The following RPH3A variants were observed in gnomAD, a reference collection of about 807,000 sequenced individuals.
RPH3A encodes rabphilin-3A.
Under a neutral mutation model 102.2 loss-of-function variants are expected in RPH3A, and 48 were observed. The ratio of observed to expected loss-of-function variants is 0.47; its 90% confidence interval spans 0.37 to 0.60. The LOEUF is 0.60. Among genes scored for constraint, RPH3A ranks in the 20% least tolerant of loss-of-function variants. The pLI, the probability that RPH3A is intolerant of heterozygous loss-of-function variation, is 0.00. For synonymous variants in RPH3A, 310 were observed against 324.3 expected (o/e 0.96, Z 0.47); for missense variants, 781 against 910.1 (o/e 0.86, Z 1.83).
intron 5 of RPH3A, among the ~76,000 whole-genome samples, chr12:112,854,969 T>C (rs1455409810): frequency 6.6e-6 from 1 of 152,246 alleles, no homozygotes; most frequent in Non-Finnish European, 1.5e-5. Context: ...GTTTCTTCAT[T>C]CAGTTGAACA....
At chr12:112,645,816 C>T (rs1047187413) in intron 1 of RPH3A, among the ~76,000 whole-genome samples, 2 of 152,052 alleles carry the variant, frequency 1.3e-5, no homozygotes, top group African/African-American at 2.4e-5. Flanking sequence ...ATGTGAGTGG[C>T]GTTTTGAATG....
At chr12:112,612,283 C>T (rs1317848452) in intron 1 of RPH3A, among the ~76,000 whole-genome samples, 4 of 152,170 alleles carry the variant, frequency 2.6e-5, no homozygotes, top group East Asian at 3.8e-4. Context: ...TTCCACATCA[C>T]GACTCTGGCT....
Position 112,694,671 on chromosome 12 carries a change from CACACACACACACAG to C in RPH3A, c.-139-97470_-139-97457del, listed in dbSNP as rs1363574624. Among the ~76,000 whole-genome samples the C allele has an allele frequency of 6.5e-3, 967 of 148,104 alleles. 9 individuals carry two copies. The highest frequency in any genetic ancestry group is 0.024 in the African/African-American group (932 of 38,912). ...ACACGCACACACACACACACACACA[CACACACACACACAG>C]AGAGAGAGAGAGAGAGATTCTGTTT... On this transcript the variant is annotated intron_variant, in intron 1 of 21. Transcript: ENST00000543106.
At chr12:112,586,132 G>T (rs1201892418) in intron 1 of RPH3A, among the ~76,000 whole-genome samples, 2 of 152,192 alleles carry the variant, frequency 1.3e-5, no homozygotes, top group Non-Finnish European at 2.9e-5. Context: ...AGGTGATGTA[G>T]CAGGTGAGGA....
chr12:112,726,295 A>G (rs2040590256), intron 1 of RPH3A, among the ~76,000 whole-genome samples: 1 of 151,562 alleles, frequency 6.6e-6, no homozygotes, highest in African/African-American at 2.4e-5. Flanking sequence ...TTGTGTTTTT[A>G]GTAGAGACAG....
chr12:112,831,626 C>T, intron 3 of RPH3A: 3 of 243,840 alleles, frequency 1.2e-5, no homozygotes, highest in Admixed American at 5.3e-5. Context: ...AATCTTGGTG[C>T]TTCTTGGGGC....
intron 1 of RPH3A, among the ~76,000 whole-genome samples, chr12:112,784,988 A>G (rs1051375456): frequency 3.3e-5 from 5 of 152,262 alleles, no homozygotes; most frequent in South Asian, 4.1e-4. Context: ...TTTGGGAGGC[A>G]GAGGCGGGTG....
intron 10 of RPH3A, 23 bp downstream of exon 10, chr12:112,870,062 G>A (rs2042682387): frequency 6.2e-7 from 1 of 1,601,748 alleles, no homozygotes; most frequent in African/African-American, 1.3e-5. Context: ...GGCAAATCCA[G>A]AGACAGTTCT....
At chr12:112,768,413 C>G (rs999023154) in intron 1 of RPH3A, among the ~76,000 whole-genome samples, 5 of 152,208 alleles carry the variant, frequency 3.3e-5, no homozygotes, top group Non-Finnish European at 5.9e-5. Flanking sequence ...GGGATTCTCC[C>G]CTTGTCCTCT....
At chr12:112,763,935 G>C (rs11835857) in intron 1 of RPH3A, among the ~76,000 whole-genome samples, 12,148 of 152,228 alleles carry the variant, frequency 0.08, 1,277 homozygotes, top group African/African-American at 0.24. Context: ...GTCCACTGCT[G>C]TCCGTCCCCT....
chr12:112,712,904 C>CTCTTCTTCTTCTTCTTCT (rs1387688395), intron 1 of RPH3A, among the ~76,000 whole-genome samples: 5 of 92,542 alleles, frequency 5.4e-5, no homozygotes, highest in African/African-American at 2.8e-4. Context: ...CTTCTTCTTC[C>CTCTTCTTCTTCTTCTTCT]TCTTCTTCTT....
chr12:112,715,891 A>G (rs1219479341), intron 1 of RPH3A, among the ~76,000 whole-genome samples: 1 of 152,222 alleles, frequency 6.6e-6, no homozygotes. Context: ...TTTCTTAATT[A>G]TATGCTAAAC....
intron 5 of RPH3A, among the ~76,000 whole-genome samples, chr12:112,860,819 T>C (rs1469800063): frequency 6.6e-6 from 1 of 152,186 alleles, no homozygotes; most frequent in Non-Finnish European, 1.5e-5. Flanking sequence ...ATTTTCTGAC[T>C]AAGGCAGTTG....
intron 3 of RPH3A, among the ~76,000 whole-genome samples, chr12:112,829,562 A>C (rs1333177534): frequency 6.6e-6 from 1 of 151,946 alleles, no homozygotes; most frequent in Non-Finnish European, 1.5e-5. Context: ...GTAAGCCACC[A>C]CCCCCAGCCT....
At chr12:112,870,531 G>A (rs2042691158) in intron 10 of RPH3A, among the ~76,000 whole-genome samples, 1 of 152,092 alleles carries the variant, frequency 6.6e-6, no homozygotes, top group Non-Finnish European at 1.5e-5. Flanking sequence ...TTTGGTAAGA[G>A]TGCCCATTGG....
At position 112,673,996 on chromosome 12, in the gene RPH3A, C is replaced by T. The variant is rs567537404; in HGVS notation, c.-140+98677C>T. ...CTGGTCTTAAACTCCTGGTTTCAAG[C>T]GATCCTCCCACCTCAGCCTTCCAAA... is the stretch of plus-strand genomic sequence containing the variant. On this transcript the variant is annotated intron_variant, in intron 1 of 21. Coordinates refer to the RPH3A transcript ENST00000543106. 6.6e-5 allele frequency among the ~76,000 whole-genome samples: 10 copies of T among 152,270 alleles called. No individual in the cohort carries two copies. In the South Asian group the frequency reaches 1.5e-3, roughly 22 times the overall value.
At chr12:112,615,045 T>C (rs969240678) in intron 1 of RPH3A, among the ~76,000 whole-genome samples, 1 of 152,130 alleles carries the variant, frequency 6.6e-6, no homozygotes, top group African/African-American at 2.4e-5. Context: ...CTCATCCACA[T>C]CCTCTATGTG....
intron 1 of RPH3A, among the ~76,000 whole-genome samples, chr12:112,753,563 C>T (rs894237570): frequency 6.6e-6 from 1 of 152,108 alleles, no homozygotes; most frequent in African/African-American, 2.4e-5. Context: ...AAATTTCTCT[C>T]TGGTGAAAAA....
chr12:112,823,713 G>A (rs2136143326), intron 2 of RPH3A, among the ~76,000 whole-genome samples: 1 of 152,194 alleles, frequency 6.6e-6, no homozygotes, highest in East Asian at 1.9e-4. Context: ...GTGCTCCCTG[G>A]GCCTCAGGCC....
Sources: allele counts gnomAD v4.1 joint callset (sites outside exome capture counted in the v4.1 genomes callset), GRCh38; gene constraint gnomAD v4.1.1; transcripts MANE v1.5; gene names NCBI Gene and HGNC (gene_info 2026-07-23, HGNC 2026-07-21).